The following NEB variants were observed in gnomAD, a reference collection of about 807,000 sequenced individuals.
The protein encoded by NEB is nemaline myopathy type 2.
NEB carries 512 observed loss-of-function variants against 952.2 expected under a neutral mutation model. The observed-to-expected ratio is 0.54, with a 90% CI of 0.50 to 0.58. The LOEUF (loss-of-function observed/expected upper bound fraction) is 0.58, where lower values mean the gene tolerates loss of function less well. NEB is among the 20% of genes least tolerant of loss of function. NEB has a pLI of 0.00. For missense variants in NEB, 8,428 were observed against 9,231.1 expected, an observed-to-expected ratio of 0.91 and a Z score of 3.56; for synonymous variants, 2,900 against 3,149.8, an observed-to-expected ratio of 0.92 and a Z score of 2.66.
rs1253550964 is a variant in NEB at position 151,607,549 on chromosome 2, A to C, written c.12594T>G (p.Thr4198=). The stretch of plus-strand genomic sequence containing the variant: ...TGATGTGGGCCTGCAGCATCTCCGG[A>C]GTATCAGAAGGAATGGTGATGTTGC... ...DKSNITIPSD[T]PEMLQAHINA... is the part of the protein sequence containing the mutation. Residue 4198 remains threonine (T), a synonymous_variant, in exon 83 of 182, where the codon ACT becomes ACG. Transcript: ENST00000397345. 6 of 706,932 alleles carry C rather than the reference A, an allele frequency of 8.5e-6. No individual in the cohort carries two copies. The African/African-American group carries it at 9.8e-5, about 12-fold the overall frequency. The allele number at this position is 706,932 out of a possible 1,614,324, so 43.8% of individuals were successfully genotyped here. A position where few individuals can be genotyped will look rare whatever the true frequency, so the allele number is the denominator to read the frequency against.
At chr2:151,570,736 T>G (rs1218370807) in intron 107 of NEB, 135 bp from the exon 108 acceptor site, 1 of 727,250 alleles carries the variant, frequency 1.4e-6, no homozygotes, top group Non-Finnish European at 2.4e-6. Flanking sequence ...AGAGCATAGA[T>G]GAGAATCATT....
intron 31 of NEB, 35 bp from the exon 32 acceptor site, chr2:151,679,863 G>A (rs2099401520): frequency 1.2e-6 from 2 of 1,608,160 alleles, no homozygotes; most frequent in Admixed American, 1.7e-5. Context: ...ACAACTTAGA[G>A]ACTGTGTTAG....
rs559846137 is a variant in NEB, at chr2:151,644,016, G to A, written c.7758C>T (p.Asp2586=). 1.2e-5 allele frequency: 20 copies of A among 1,613,942 alleles called. No homozygotes were observed. The East Asian group carries it at 4.5e-4, about 36-fold the overall frequency. ...TCTCAAAGTCCTTCTTGTACTCCCTGTCACTCTGGATCTTGGCCACATGCA... is the reference window on the plus strand; with the variant it reads ...TCTCAAAGTCCTTCTTGTACTCCCTATCACTCTGGATCTTGGCCACATGCA... ...WSMHVAKIQS[D]REYKKDFEKW... The change falls in exon 57 of 182, where the codon GAC becomes GAT. Residue 2586 remains aspartate, a synonymous_variant. Coordinates refer to ENST00000397345, the MANE Select transcript of NEB (RefSeq NM_001164508.2).
At chr2:151,518,936 C>CTGTT (rs1307955638) in intron 155 of NEB, 29 bp downstream of exon 155, 5 of 1,502,578 alleles carry the variant, frequency 3.3e-6, no homozygotes, top group Non-Finnish European at 4.6e-6. Context: ...GTAAAACAAG[C>CTGTT]TGTTTCTGGA....
chr2:151,688,997 G>A (rs1264462313), intron 24 of NEB, among the ~76,000 whole-genome samples: 3 of 152,052 alleles, frequency 2.0e-5, no homozygotes, highest in African/African-American at 7.2e-5. Context: ...AAGCAAAACC[G>A]TGGATAAGGG....
chr2:151,656,985 C>T (rs78482419), intron 48 of NEB, among the ~76,000 whole-genome samples: 9,945 of 152,184 alleles, frequency 0.065, 544 homozygotes, highest in East Asian at 0.15. Context: ...ATTCGTGGAG[C>T]TCCTTTTCCT....
chr2:151,609,710 C>T, intron 81 of NEB, 99 bp downstream of exon 81: 3 of 1,157,618 alleles, frequency 2.6e-6, no homozygotes, highest in Non-Finnish European at 3.6e-6. Context: ...CAGGTTTGTG[C>T]AGTGCACAGC....
At position 151,553,290 on chromosome 2, in the gene NEB, C is replaced by A; in HGVS notation, c.19731+108G>T. On this transcript the variant is annotated intron_variant, in intron 127 of 181. Transcript: ENST00000397345. ...CTAGCAACTTTCTCCAGCTCAGCCA[C>A]CCCCCAGAGCTGGCCTGTGACAATG... 3.4e-6 allele frequency: 3 copies of A among 887,522 alleles called. No individual in the cohort carries two copies. The South Asian group carries it at 4.3e-5, about 13-fold the overall frequency. 55.0% of individuals were successfully genotyped at this position (887,522 alleles called of 1,614,324 possible).
At chr2:151,488,831 T>G (rs1207544151) in intron 181 of NEB, among the ~76,000 whole-genome samples, 2 of 152,174 alleles carry the variant, frequency 1.3e-5, no homozygotes, top group Non-Finnish European at 2.9e-5. Context: ...TCTTGCTGAT[T>G]TATAATTCTT....
chr2:151,682,665 A>G lies in NEB; in HGVS notation c.2940T>C (p.Asn980=), dbSNP rs1472489170. The G allele has an allele frequency of 3.7e-5, 60 of 1,611,048 alleles. No individual in the cohort carries two copies. The highest frequency in any genetic ancestry group is 4.8e-5 in the Non-Finnish European group (57 of 1,177,938). The change falls in exon 29 of 182, where the codon AAT becomes AAC. Residue 980 remains asparagine (N), a synonymous_variant. Coordinates refer to ENST00000397345, the MANE Select transcript of NEB (RefSeq NM_001164508.2). ...EKAKRASDIL[N]EKKYRQHPDT... is the part of the protein sequence containing the mutation. ...CTGACACACCCAGTGGCTTTACCTC[A>G]TTGAGGATGTCTGAAGCTCGCTTTG...
Position 151,674,597 on chromosome 2 carries a change from G to A in NEB, c.3880-13C>T. The A allele has an allele frequency of 6.4e-7, 1 of 1,564,542 alleles. No homozygotes were observed. Among genetic ancestry groups the A allele is most frequent in the Non-Finnish European group, 8.8e-7 (1 of 1,135,942 alleles). Reference sequence around the variant, plus strand: ...GTTTATAACAGACCTGGACAGAAAAGCAAACAGAATGTCAGCATCTGTAAG... The same window carrying A: ...GTTTATAACAGACCTGGACAGAAAAACAAACAGAATGTCAGCATCTGTAAG... On this transcript the variant is annotated splice_polypyrimidine_tract_variant and intron_variant, in intron 35 of 181. Transcript: ENST00000397345.
At position 151,664,495 on chromosome 2, in the gene NEB, A is replaced by G. The variant is rs1428287993; in HGVS notation, c.5451+6T>C. Reference sequence around the variant, plus strand: ...AACCCCAAAAAGGCCCAGTGCAAGCACTTACATCACTGGCAATGTCTCTAG... The same window carrying G: ...AACCCCAAAAAGGCCCAGTGCAAGCGCTTACATCACTGGCAATGTCTCTAG... On this transcript the variant is annotated splice_donor_region_variant and intron_variant, in intron 44 of 181. Transcript: ENST00000397345. 1.2e-5 allele frequency: 19 copies of G among 1,571,060 alleles called. No individual in the cohort carries two copies. Among genetic ancestry groups the G allele is most frequent in the Non-Finnish European group, 1.5e-5 (18 of 1,161,324 alleles).
Position 151,496,959 on chromosome 2 carries a change from A to ATTGTG in NEB, c.24370_24374dup (p.Gln8126ThrfsTer21). The ATTGTG allele has an allele frequency of 3.8e-6, 6 of 1,577,018 alleles. No individual in the cohort carries two copies. The South Asian group carries it at 5.8e-5, about 15-fold the overall frequency. On this transcript the variant is annotated frameshift_variant, in exon 172 of 182. Transcript: ENST00000397345. LOFTEE classifies it high-confidence loss of function. ...CAAGTACCGAGCTAATATTTTCTTG[A>ATTGTG]TTGTGTTTGACTCTCTCCATCTCAG...
chr2:151,623,330 C>T (rs957385854), intron 71 of NEB, among the ~76,000 whole-genome samples: 11 of 152,084 alleles, frequency 7.2e-5, no homozygotes, highest in African/African-American at 2.7e-4. Context: ...CAAAGATTTA[C>T]AGTTCTATAA....
intron 9 of NEB, among the ~76,000 whole-genome samples, chr2:151,718,266 G>T (rs1446402614): frequency 6.6e-6 from 1 of 152,204 alleles, no homozygotes; most frequent in Non-Finnish European, 1.5e-5. Context: ...ACAGGAAGAA[G>T]GTACAGGGCA....
chr2:151,495,669 C>CAACA (rs2059698519), intron 173 of NEB, among the ~76,000 whole-genome samples: 1 of 150,426 alleles, frequency 6.6e-6, no homozygotes, highest in African/African-American at 2.5e-5. Flanking sequence ...AACTAAAGAA[C>CAACA]AACAACAACA....
chr2:151,518,339 C>T lies in NEB; in HGVS notation c.22779G>A (p.Glu7593=). ...TTACTATACTCTGTAATTCTGTGGC[C>T]TCTTTTAGGTGAAGCTGCTCCAGAT... ...PDNLEQLHLK[E]ATELQSIVKY... Residue 7593 remains glutamate (E), a synonymous_variant, in exon 156 of 182, where the codon GAG becomes GAA. Transcript: ENST00000397345. 1.9e-6 allele frequency: 3 copies of T among 1,608,498 alleles called. No individual in the cohort carries two copies. Among genetic ancestry groups the T allele is most frequent in the Non-Finnish European group, 2.6e-6 (3 of 1,175,036 alleles).
chr2:151,505,490 C>A lies in NEB; in HGVS notation c.23730G>T (p.Lys7910Asn). The change falls in exon 165 of 182, where the codon AAG becomes AAT. Residue 7910 changes from lysine to asparagine, a missense_variant. Lys to Asn is a moderately conservative substitution (Grantham distance 94, BLOSUM62 0). Around this residue, in one of 11 missense-constraint regions of NEB, gnomAD observed 3,374 missense variants for 3,651.5 expected, o/e 0.92. Transcript: ENST00000397345. Reference sequence around the variant, plus strand: ...GTATGGCCACTACCGAGCTAATGTGCTTCTGCGTCTCCTTCACACGTTTCA... The same window carrying A: ...GTATGGCCACTACCGAGCTAATGTGATTCTGCGTCTCCTTCACACGTTTCA... ...PEVKRVKETQ[K>N]HISSVMYKEN... is the part of the protein sequence containing the mutation. 2 of 1,613,524 alleles carry A rather than the reference C, an allele frequency of 1.2e-6. No homozygotes were observed. The highest frequency in any genetic ancestry group is 2.2e-5 in the South Asian group (2 of 91,022).
rs2098827484 is a variant in NEB at position 151,640,017 on chromosome 2, C to A, written c.8729G>T (p.Trp2910Leu). Residue 2910 changes from tryptophan to leucine, a missense_variant, in exon 62 of 182, where the codon TGG becomes TTG. By Grantham distance (61) the Trp-to-Leu change is moderately conservative. Coordinates refer to ENST00000397345, the MANE Select transcript of NEB (RefSeq NM_001164508.2). ...CACATCCAAAGAGCCAATGGACACC[C>A]AGCCAATGCCTCTCATCCACTGGAG... ...SDLQWMRGIG[W>L]VSIGSLDVEK... The A allele has an allele frequency of 6.2e-7, 1 of 1,613,838 alleles. No homozygotes were observed. The highest frequency in any genetic ancestry group is 1.7e-5 in the Admixed American group (1 of 60,014).
Sources: allele counts gnomAD v4.1 joint callset (sites outside exome capture counted in the v4.1 genomes callset), GRCh38; gene constraint gnomAD v4.1.1; regional missense constraint gnomAD v4.1.1; transcripts MANE v1.5; gene names NCBI Gene and HGNC (gene_info 2026-07-23, HGNC 2026-07-21).